EPB41L3: variants seen among roughly 807,000 people sequenced by gnomAD.
EPB41L3 encodes erythrocyte membrane protein band 4.1 like 3.
Under a neutral mutation model 127.1 loss-of-function variants are expected in EPB41L3, and 57 were observed. The observed-to-expected ratio is 0.45, with a 90% CI of 0.36 to 0.56. The LOEUF is 0.56. Among genes scored for constraint, EPB41L3 ranks in the 20% least tolerant of loss-of-function variants. The probability of loss-of-function intolerance (pLI) is 0.00; values close to 1 mark genes in which losing one functional copy is unlikely to be tolerated. For synonymous variants in EPB41L3, 572 were observed against 549.5 expected (o/e 1.04, Z -0.57); for missense variants, 1,273 against 1,372.2 (o/e 0.93, Z 1.14).
rs562329586 is a variant in EPB41L3 at position 5,508,198 on chromosome 18, T to C, written c.-11-19004A>G. The C allele has an allele frequency of 5.9e-5, 9 of 152,326 alleles. No homozygotes were observed. The South Asian group carries it at 1.9e-3, about 32-fold the overall frequency. 9.4% of individuals were successfully genotyped at this position (152,326 alleles called of 1,614,324 possible). The stretch of plus-strand genomic sequence containing the variant: ...CTTCTTATCTGATACTATAAATACT[T>C]TGTCTTCTTCATTTAGCTTCTAAAC... On this transcript the variant is annotated intron_variant, in intron 1 of 22. Coordinates refer to ENST00000341928, the MANE Select transcript of EPB41L3 (RefSeq NM_012307.5).
intron 1 of EPB41L3, among the ~76,000 whole-genome samples, chr18:5,541,713 T>C (rs2093735619): frequency 6.6e-6 from 1 of 152,214 alleles, no homozygotes; most frequent in Non-Finnish European, 1.5e-5. Context: ...TGATAAAAAA[T>C]TGCTTTTAAC....
intron 1 of EPB41L3, among the ~76,000 whole-genome samples, chr18:5,492,744 C>A (rs1005995898): frequency 6.6e-6 from 1 of 152,128 alleles, no homozygotes; most frequent in African/African-American, 2.4e-5. Context: ...GTGTTTTGCT[C>A]AGGCTTTAAA....
At chr18:5,547,675 A>G (rs1437919069), upstream of EPB41L3, among the ~76,000 whole-genome samples, 5 of 152,202 alleles carry the variant, frequency 3.3e-5, no homozygotes, top group African/African-American at 9.6e-5. Flanking sequence ...TACTTCAGGT[A>G]AGATATGTGT....
chr18:5,397,956 A>T lies in EPB41L3; in HGVS notation c.2472+65T>A. On this transcript the variant is annotated intron_variant, in intron 17 of 22. Transcript: ENST00000341928. This position sits in a 1 kb window ranked among gnomAD's most constrained non-coding sequence, Gnocchi z 4.1. ...GGATGCAACCACACACTCACGCCCA[A>T]AAAAAGGGTAAGGAAAGGCACATGG... The T allele has an allele frequency of 1.2e-6, 2 of 1,607,184 alleles. No homozygotes were observed. Among genetic ancestry groups the T allele is most frequent in the East Asian group, 2.2e-5 (1 of 44,828 alleles).
In EPB41L3 at chr18:5,434,098, C is replaced by T. The variant is rs768190757; in HGVS notation, c.629G>A (p.Arg210Gln). The T allele has an allele frequency of 9.3e-6, 15 of 1,613,994 alleles. No homozygotes were observed. Among genetic ancestry groups the T allele is most frequent in the African/African-American group, 2.7e-5 (2 of 74,906 alleles). The change falls in exon 7 of 23, where the codon CGA becomes CAA. Residue 210 changes from arginine to glutamine, a missense_variant. Transcript: ENST00000341928. Reference protein sequence around the residue: ...ITRYYLCLQLRDDIVSGRLPC... With the variant: ...ITRYYLCLQLQDDIVSGRLPC... ...CAGCCTTCCGGACACGATGTCATCT[C>T]GCAACTGCAAGCAGAGGTAGTACCT...
intron 1 of EPB41L3, among the ~76,000 whole-genome samples, chr18:5,535,202 T>A (rs1014178575): frequency 6.6e-6 from 1 of 151,904 alleles, no homozygotes; most frequent in African/African-American, 2.4e-5. Context: ...CCCCCGTCCA[T>A]GGAAAAACTG....
chr18:5,434,665 G>A (rs1422492387), intron 6 of EPB41L3, among the ~76,000 whole-genome samples: 1 of 152,158 alleles, frequency 6.6e-6, no homozygotes, highest in Non-Finnish European at 1.5e-5. Flanking sequence ...CATTACTCAC[G>A]CCTTTGTGGT....
At chr18:5,506,410 T>C (rs543049424) in intron 1 of EPB41L3, among the ~76,000 whole-genome samples, 1 of 152,186 alleles carries the variant, frequency 6.6e-6, no homozygotes, top group East Asian at 1.9e-4. Flanking sequence ...GGCCTCTACA[T>C]TTGCTATTCT....
chr18:5,443,816 A>G, intron 5 of EPB41L3, 22 bp downstream of exon 5: 1 of 1,605,328 alleles, frequency 6.2e-7, no homozygotes, highest in South Asian at 1.1e-5. Context: ...ATTTCCACAA[A>G]AAATAATCCA....
At chr18:5,556,886 A>G (rs548344108) in intron 3 of EPB41L3, among the ~76,000 whole-genome samples, 2 of 152,190 alleles carry the variant, frequency 1.3e-5, no homozygotes, top group South Asian at 2.1e-4. Context: ...AGCACTCAGT[A>G]AGCTCTCAAT....
chr18:5,554,973 G>A lies in EPB41L3; in HGVS notation c.-306+57367C>T, dbSNP rs556964924. ...CGGGGCTGTTGGAAGAGAAGACGTC[G>A]CAATCCACCCTTCGTCCTCACAAAT... On this transcript the variant is annotated intron_variant, in intron 3 of 21. Coordinates refer to the EPB41L3 transcript ENST00000545076. Among the ~76,000 whole-genome samples, 12 of 152,300 alleles carry A rather than the reference G, an allele frequency of 7.9e-5. No individual in the cohort carries two copies. The South Asian group carries it at 1.7e-3, about 21-fold the overall frequency.
At chr18:5,581,564 A>T in intron 3 of EPB41L3, among the ~76,000 whole-genome samples, 1 of 152,234 alleles carries the variant, frequency 6.6e-6, no homozygotes, top group South Asian at 2.1e-4. Context: ...ATATCTCAAC[A>T]TATAAGAACC....
At chr18:5,491,993 A>AT (rs1343223479) in intron 1 of EPB41L3, among the ~76,000 whole-genome samples, 4 of 152,114 alleles carry the variant, frequency 2.6e-5, no homozygotes, top group African/African-American at 9.7e-5. Context: ...CAATAACCTG[A>AT]TTTTTAATGG....
chr18:5,455,600 T>TC (rs2082919527), intron 3 of EPB41L3, among the ~76,000 whole-genome samples: 1 of 151,372 alleles, frequency 6.6e-6, no homozygotes, highest in Admixed American at 6.6e-5. Context: ...ATTAAGCCCA[T>TC]CTACCTTTCT....
intron 1 of EPB41L3, among the ~76,000 whole-genome samples, chr18:5,529,532 G>T (rs774397391): frequency 9.9e-5 from 15 of 152,044 alleles, no homozygotes; most frequent in Admixed American, 7.2e-4. Context: ...TTGGAAAACT[G>T]GTACTCCTCC....
rs376036017 is a variant in EPB41L3 at position 5,478,349 on chromosome 18, T to G, written c.273A>C (p.Ser91=). The G allele has an allele frequency of 5.6e-6, 9 of 1,614,210 alleles. No homozygotes were observed. The highest frequency in any genetic ancestry group is 7.6e-6 in the Non-Finnish European group (9 of 1,180,022). The part of the protein sequence containing the change: ...QLEDDKLSQK[S]SSSKLSRSPL... ...GAGACCGAGAGAGTTTACTGCTAGA[T>G]GATTTCTGAGAAAGTTTATCGTCTT... The change falls in exon 3 of 23, where the codon TCA becomes TCC. Residue 91 remains serine, a synonymous_variant. Coordinates refer to ENST00000341928, the MANE Select transcript of EPB41L3 (RefSeq NM_012307.5).
chr18:5,438,175 A>G (rs2080147909), intron 5 of EPB41L3, 65 bp from the exon 6 acceptor site: 1 of 1,487,124 alleles, frequency 6.7e-7, no homozygotes. Context: ...ATCGATGGCC[A>G]GAACTGCCTT....
rs747853054 is a variant in EPB41L3 at position 5,393,469 on chromosome 18, T to C, written c.*16A>G. ...TGCATGACTGCATTCATGTGCAAGC[T>C]AAGTTATTCCTGCAAAAAAGACATT... is the stretch of plus-strand genomic sequence containing the variant. On this transcript the variant is annotated 3_prime_UTR_variant, in exon 23 of 23. Coordinates refer to ENST00000341928, the MANE Select transcript of EPB41L3 (RefSeq NM_012307.5). 7.0e-5 allele frequency: 49 copies of C among 701,664 alleles called. No individual in the cohort carries two copies. Among genetic ancestry groups the C allele is most frequent in the Non-Finnish European group, 1.6e-5 (6 of 384,590 alleles). 43.5% of individuals were successfully genotyped at this position (701,664 alleles called of 1,614,324 possible). A position where few individuals can be genotyped will look rare whatever the true frequency, so the allele number is the denominator to read the frequency against.
At chr18:5,483,040 A>G (rs2088898091) in intron 2 of EPB41L3, among the ~76,000 whole-genome samples, 1 of 152,176 alleles carries the variant, frequency 6.6e-6, no homozygotes, top group Admixed American at 6.5e-5. Flanking sequence ...TAACTCTAGT[A>G]TGAAGCCCAA....
Sources: gnomAD v4.1 joint callset for allele counts (sites outside exome capture counted in the v4.1 genomes callset) on GRCh38, gnomAD v4.1.1 for gene constraint, Gnocchi (gnomAD v3.1) non-coding constraint, MANE v1.5 for transcripts, NCBI Gene and HGNC (gene_info 2026-07-23, HGNC 2026-07-21) for gene names.